UGGT1: variants seen among roughly 807,000 people sequenced by gnomAD.
UGGT1 encodes UDP-glucose glycoprotein glucosyltransferase 1.
UGGT1 carries 107 observed loss-of-function variants against 203.9 expected under a neutral mutation model. The observed-to-expected ratio is 0.52, with a 90% CI of 0.45 to 0.62. UGGT1 has a LOEUF of 0.62. Ranked by LOEUF, UGGT1 falls within the 20% of genes least tolerant of loss-of-function variation. The pLI is 0.00. For synonymous variants in UGGT1, 628 were observed against 653.5 expected, an observed-to-expected ratio of 0.96 and a Z score of 0.59; for missense variants, 1,673 against 1,867.2, an observed-to-expected ratio of 0.90 and a Z score of 1.92.
chr2:128,154,813 A>G (rs540153769), intron 19 of UGGT1, among the ~76,000 whole-genome samples: 2 of 152,288 alleles, frequency 1.3e-5, no homozygotes, highest in Admixed American at 1.3e-4. Flanking sequence ...ATAGGGTGCA[A>G]TAATGTTTAA....
chr2:128,144,538 T>G (rs1342932206), intron 17 of UGGT1, among the ~76,000 whole-genome samples: 3 of 152,316 alleles, frequency 2.0e-5, no homozygotes, highest in Admixed American at 1.3e-4. Flanking sequence ...AAAACTAAAG[T>G]TAGATGAAAA....
At chr2:128,127,841 A>T (rs766203497) in intron 12 of UGGT1, among the ~76,000 whole-genome samples, 14 of 152,188 alleles carry the variant, frequency 9.2e-5, no homozygotes, top group Non-Finnish European at 1.5e-4. Flanking sequence ...TGGGAGGCTG[A>T]GGCCGGCGGA....
At chr2:128,161,648 G>A (rs1690533168) in intron 25 of UGGT1, among the ~76,000 whole-genome samples, 1 of 152,150 alleles carries the variant, frequency 6.6e-6, no homozygotes, top group Non-Finnish European at 1.5e-5. Flanking sequence ...GAAAGGAAAG[G>A]CAGTTTAAAT....
chr2:128,120,864 CTAA>C (rs1688347923), intron 9 of UGGT1, among the ~76,000 whole-genome samples: 1 of 152,120 alleles, frequency 6.6e-6, no homozygotes, highest in Non-Finnish European at 1.5e-5. Flanking sequence ...ACGTCATTTA[CTAA>C]AAGTCTTCAT....
intron 8 of UGGT1, among the ~76,000 whole-genome samples, chr2:128,116,976 G>A (rs1688131134): frequency 3.9e-5 from 6 of 151,942 alleles, no homozygotes; most frequent in Admixed American, 3.9e-4. Flanking sequence ...ATTTTCCCAG[G>A]AAAAAATGTA....
chr2:128,185,649 A>G (rs770504909), intron 38 of UGGT1, among the ~76,000 whole-genome samples: 1 of 151,390 alleles, frequency 6.6e-6, no homozygotes, highest in Admixed American at 6.6e-5. Flanking sequence ...AATTTTTTGT[A>G]TTTTTTATAG....
intron 22 of UGGT1, among the ~76,000 whole-genome samples, chr2:128,159,224 C>A (rs536756459): frequency 1.3e-5 from 2 of 151,222 alleles, no homozygotes; most frequent in Non-Finnish European, 2.9e-5. Flanking sequence ...CACAGCCTTG[C>A]GAGTAGCTGG....
In UGGT1 at chr2:128,164,789, C is replaced by T. The variant is rs754313556; in HGVS notation, c.2885C>T (p.Pro962Leu). Residue 962 changes from proline to leucine, a missense_variant, in exon 26 of 41, where the codon CCA becomes CTA. Coordinates refer to ENST00000259253, the MANE Select transcript of UGGT1 (RefSeq NM_020120.4). The part of the protein sequence containing the change: ...ALLSAQPKGD[P>L]RIEYQFFEDR... ...CTGTCAGCGCAACCAAAAGGAGATC[C>T]AAGAATCGAGTACCAGTTTTTTGAA... 5 of 1,610,042 alleles carry T rather than the reference C, an allele frequency of 3.1e-6. No individual in the cohort carries two copies. The highest frequency in any genetic ancestry group is 1.1e-5 in the South Asian group (1 of 90,298).
At chr2:128,115,020 C>A in intron 6 of UGGT1, 104 bp from the exon 7 acceptor site, 1 of 941,112 alleles carries the variant, frequency 1.1e-6, no homozygotes, top group Non-Finnish European at 1.6e-6. Context: ...AGGGCATAAT[C>A]CGAGGTAATG....
At chr2:128,133,361 C>T in intron 14 of UGGT1, 101 bp downstream of exon 14, 2 of 1,450,852 alleles carry the variant, frequency 1.4e-6, no homozygotes, top group Non-Finnish European at 1.9e-6. Flanking sequence ...TTACTAGCTG[C>T]TTCCTCCCCC....
intron 2 of UGGT1, among the ~76,000 whole-genome samples, chr2:128,100,704 G>A (rs1687338828): frequency 6.6e-6 from 1 of 151,894 alleles, no homozygotes; most frequent in Non-Finnish European, 1.5e-5. Flanking sequence ...TTACAGGTGT[G>A]AGCCACCGCG....
Position 128,116,290 on chromosome 2 carries a change from T to G in UGGT1, c.819T>G (p.Ile273Met). 1 of 1,610,180 alleles carries G rather than the reference T, an allele frequency of 6.2e-7. No homozygotes were observed. The stretch of plus-strand genomic sequence containing the variant: ...GAACTGAGGTAAACACCACAGTGAT[T>G]GGTGAAAATGATCCTATTGATGAGG... Reference protein sequence around the residue: ...VKGTEVNTTVIGENDPIDEVQ... With the variant: ...VKGTEVNTTVMGENDPIDEVQ... The change falls in exon 8 of 41, where the codon ATT becomes ATG. Residue 273 changes from isoleucine to methionine, a missense_variant. Ile to Met is a conservative substitution (Grantham distance 10, BLOSUM62 1). Coordinates refer to ENST00000259253, the MANE Select transcript of UGGT1 (RefSeq NM_020120.4).
intron 26 of UGGT1, among the ~76,000 whole-genome samples, chr2:128,166,945 G>T (rs370453511): frequency 6.6e-6 from 1 of 152,160 alleles, no homozygotes; most frequent in East Asian, 1.9e-4. Flanking sequence ...TCAGGTGTGC[G>T]TGGTGAGATC....
Position 128,111,919 on chromosome 2 carries a change from C to T in UGGT1, c.522-1165C>T, listed in dbSNP as rs182357640. 1.1e-4 allele frequency among the ~76,000 whole-genome samples: 17 copies of T among 152,002 alleles called. No homozygotes were observed. The East Asian group carries it at 2.7e-3, about 24-fold the overall frequency. On this transcript the variant is annotated intron_variant, in intron 5 of 40. Transcript: ENST00000259253. ...CTTTGGGAGGCTGAGGTGGGTGGAT[C>T]GCTTGAGTCAGGAGTTTGAGACCAG...
Position 128,160,462 on chromosome 2 carries a change from A to G in UGGT1, c.2565A>G (p.Gly855=). The G allele has an allele frequency of 6.3e-7, 1 of 1,597,494 alleles. No individual in the cohort carries two copies. The change falls in exon 24 of 41, where the codon GGA becomes GGG. Residue 855 remains glycine (G), a splice_region_variant and synonymous_variant. Coordinates refer to ENST00000259253, the MANE Select transcript of UGGT1 (RefSeq NM_020120.4). The stretch of plus-strand genomic sequence containing the variant: ...CTTAATAATGATTACTTTCCTAGGG[A>G]ATGGATTTCAGTCTTTTTAAAGAGG... ...GADIAEFSVG[G]MDFSLFKEVF... is the part of the protein sequence containing the mutation.
At position 128,116,266 on chromosome 2, in the gene UGGT1, A is replaced by G. The variant is rs574395460; in HGVS notation, c.795A>G (p.Gly265=). The change falls in exon 8 of 41, where the codon GGA becomes GGG. Residue 265 remains glycine (G), a splice_region_variant and synonymous_variant. Coordinates refer to ENST00000259253, the MANE Select transcript of UGGT1 (RefSeq NM_020120.4). ...TATGTATTTTCTATTCTTTCATAGGAACTGAGGTAAACACCACAGTGATTG... is the reference window on the plus strand; with the variant it reads ...TATGTATTTTCTATTCTTTCATAGGGACTGAGGTAAACACCACAGTGATTG... ...YKAKDDTQVK[G]TEVNTTVIGE... 73 of 1,589,630 alleles carry G rather than the reference A, an allele frequency of 4.6e-5. No homozygotes were observed. The South Asian group carries it at 6.8e-4, about 15-fold the overall frequency.
chr2:128,092,693 T>C (rs1686925311), intron 1 of UGGT1, among the ~76,000 whole-genome samples: 1 of 151,806 alleles, frequency 6.6e-6, no homozygotes, highest in Non-Finnish European at 1.5e-5. Context: ...TAATTTATTT[T>C]TTTATTTTTT....
At chr2:128,174,659 C>T in intron 30 of UGGT1, 114 bp from the exon 31 acceptor site, 2 of 904,650 alleles carry the variant, frequency 2.2e-6, no homozygotes, top group Non-Finnish European at 3.4e-6. Context: ...GATTTGTTTA[C>T]TGTGTTATTC....
chr2:128,151,266 C>T, intron 18 of UGGT1: 1 of 595,340 alleles, frequency 1.7e-6, no homozygotes, highest in Non-Finnish European at 3.2e-6. Flanking sequence ...TCTTACCTTC[C>T]TCGTCCATCT....
Sources: gnomAD v4.1 joint callset for allele counts (sites outside exome capture counted in the v4.1 genomes callset) on GRCh38, gnomAD v4.1.1 for gene constraint, MANE v1.5 for transcripts, NCBI Gene and HGNC (gene_info 2026-07-23, HGNC 2026-07-21) for gene names.